CA8: variants seen among roughly 807,000 people sequenced by gnomAD.
CA8 encodes the protein carbonic anhydrase-related protein.
CA8 carries 22 observed loss-of-function variants against 41.4 expected under a neutral mutation model. The observed-to-expected ratio is 0.53, with a 90% CI of 0.38 to 0.76. CA8 has a LOEUF of 0.76. CA8 is among the 30% of genes least tolerant of loss of function. The probability of loss-of-function intolerance (pLI) is 0.00; values close to 1 mark genes in which losing one functional copy is unlikely to be tolerated. For missense variants in CA8, 270 were observed against 352.8 expected, an observed-to-expected ratio of 0.77 and a Z score of 1.88; for synonymous variants, 121 against 130.6, an observed-to-expected ratio of 0.93 and a Z score of 0.50.
chr8:60,229,358 G>A (rs1387652641), intron 4 of CA8, among the ~76,000 whole-genome samples: 2 of 152,142 alleles, frequency 1.3e-5, no homozygotes, highest in African/African-American at 4.8e-5. Flanking sequence ...GAGACAGACT[G>A]GGGTCCATGG....
Position 60,187,975 on chromosome 8 carries a change from A to G in CA8, c.*2046T>C, listed in dbSNP as rs1806009594. On this transcript the variant is annotated 3_prime_UTR_variant, in exon 9 of 9. Transcript: ENST00000317995. ...TACCTTTCAAATTCATTCCTACAAA[A>G]GCGTATTATAAACAGTATTCATATT... is the stretch of plus-strand genomic sequence containing the variant. The G allele has an allele frequency of 6.6e-6, 1 of 152,296 alleles. No individual in the cohort carries two copies. The highest frequency in any genetic ancestry group is 2.1e-4 in the South Asian group (1 of 4,830). 9.4% of individuals were successfully genotyped at this position (152,296 alleles called of 1,614,324 possible).
chr8:60,219,562 C>T (rs1254231383), intron 7 of CA8, among the ~76,000 whole-genome samples: 1 of 152,156 alleles, frequency 6.6e-6, no homozygotes, highest in Non-Finnish European at 1.5e-5. Flanking sequence ...AACAAAACTC[C>T]TCCAACTGGG....
intron 3 of CA8, among the ~76,000 whole-genome samples, chr8:60,256,166 T>C (rs968527855): frequency 6.6e-6 from 1 of 152,144 alleles, no homozygotes; most frequent in African/African-American, 2.4e-5. Context: ...CACCTCAGCC[T>C]CCCAAAATGC....
intron 3 of CA8, among the ~76,000 whole-genome samples, chr8:60,239,870 C>T (rs1807959698): frequency 6.6e-6 from 1 of 152,172 alleles, no homozygotes; most frequent in Non-Finnish European, 1.5e-5. Context: ...CTCTTGCCTG[C>T]CGCCATGTAA....
chr8:60,244,448 T>C (rs1808150106), intron 3 of CA8, among the ~76,000 whole-genome samples: 1 of 152,238 alleles, frequency 6.6e-6, no homozygotes, highest in South Asian at 2.1e-4. Flanking sequence ...ACAATCTTGA[T>C]AAGTATGGCA....
chr8:60,277,439 C>T (rs893900790), intron 2 of CA8, among the ~76,000 whole-genome samples: 5 of 152,026 alleles, frequency 3.3e-5, no homozygotes, highest in South Asian at 2.1e-4. Flanking sequence ...CTGCAACCTC[C>T]GCCTCCCAGG....
chr8:60,259,910 T>A (rs571689658), intron 3 of CA8, among the ~76,000 whole-genome samples: 1 of 152,276 alleles, frequency 6.6e-6, no homozygotes, highest in East Asian at 1.9e-4. Flanking sequence ...AATTATTACA[T>A]TTAGAGACAA....
intron 3 of CA8, among the ~76,000 whole-genome samples, chr8:60,248,877 T>G (rs546022355): frequency 4.6e-5 from 7 of 152,332 alleles, no homozygotes; most frequent in East Asian, 1.9e-4. Context: ...ACGATATTGA[T>G]TCTTCCTATT....
intron 7 of CA8, among the ~76,000 whole-genome samples, chr8:60,217,371 G>A (rs1267309525): frequency 1.3e-5 from 2 of 152,124 alleles, no homozygotes; most frequent in Non-Finnish European, 2.9e-5. Flanking sequence ...TGCAGAATCT[G>A]ACACTCGTAA....
chr8:60,271,066 G>A (rs916701447), intron 2 of CA8, among the ~76,000 whole-genome samples: 101 of 152,274 alleles, frequency 6.6e-4, no homozygotes, highest in Non-Finnish European at 1.4e-3. Flanking sequence ...AATCCAGCCA[G>A]GTACAGTGGC....
intron 2 of CA8, among the ~76,000 whole-genome samples, chr8:60,269,579 G>T (rs1211772782): frequency 6.6e-6 from 1 of 152,160 alleles, no homozygotes; most frequent in Non-Finnish European, 1.5e-5. Context: ...ACCCTATAAA[G>T]ACATGATGTA....
At chr8:60,252,037 T>C (rs1040720447) in intron 3 of CA8, among the ~76,000 whole-genome samples, 5 of 152,194 alleles carry the variant, frequency 3.3e-5, no homozygotes, top group East Asian at 1.9e-4. Flanking sequence ...AAAATATCCA[T>C]GTAATTTGAT....
chr8:60,245,431 A>T (rs1563366313), intron 3 of CA8, among the ~76,000 whole-genome samples: 1 of 152,218 alleles, frequency 6.6e-6, no homozygotes, highest in Non-Finnish European at 1.5e-5. Context: ...AATTTACTTT[A>T]AAATCATAAC....
At chr8:60,269,367 T>A (rs976124653) in intron 2 of CA8, among the ~76,000 whole-genome samples, 4 of 152,216 alleles carry the variant, frequency 2.6e-5, no homozygotes, top group African/African-American at 9.6e-5. Context: ...TCTGGTTCAA[T>A]AAAGTTACAA....
At chr8:60,253,464 G>A (rs1197482119) in intron 3 of CA8, among the ~76,000 whole-genome samples, 4 of 151,762 alleles carry the variant, frequency 2.6e-5, no homozygotes, top group African/African-American at 4.8e-5. Flanking sequence ...TCCTCAAGCC[G>A]ACTCCATTTA....
intron 3 of CA8, among the ~76,000 whole-genome samples, chr8:60,259,246 T>G (rs893641326): frequency 1.3e-5 from 2 of 152,218 alleles, no homozygotes; most frequent in Admixed American, 6.5e-5. Flanking sequence ...AAAATGTATT[T>G]TACTGCAGAA....
intron 3 of CA8, among the ~76,000 whole-genome samples, chr8:60,246,001 G>A (rs1242709447): frequency 2.6e-5 from 4 of 152,130 alleles, no homozygotes; most frequent in Non-Finnish European, 5.9e-5. Context: ...AATGTTGAGA[G>A]CAGATATGGG....
At chr8:60,267,738 A>C (rs1442312422) in intron 2 of CA8, among the ~76,000 whole-genome samples, 1 of 152,200 alleles carries the variant, frequency 6.6e-6, no homozygotes, top group East Asian at 1.9e-4. Context: ...ATGAACTAAA[A>C]AACAATGAAT....
intron 6 of CA8, among the ~76,000 whole-genome samples, chr8:60,223,381 C>T (rs1443379506): frequency 6.6e-6 from 1 of 152,084 alleles, no homozygotes; most frequent in Non-Finnish European, 1.5e-5. Context: ...CAGCCTCAAA[C>T]TCCTGGGCTC....
Sources: allele counts gnomAD v4.1 joint callset (sites outside exome capture counted in the v4.1 genomes callset), GRCh38; gene constraint gnomAD v4.1.1; transcripts MANE v1.5; gene names NCBI Gene and HGNC (gene_info 2026-07-23, HGNC 2026-07-21).